SLC44A5: variants seen among roughly 807,000 people sequenced by gnomAD.
SLC44A5 encodes the protein choline transporter-like protein 5.
In SLC44A5, 57 loss-of-function variants were observed where a neutral mutation model predicts 101.8. The ratio of observed to expected loss-of-function variants is 0.56; its 90% CI spans 0.45 to 0.70. The LOEUF (loss-of-function observed/expected upper bound fraction) is 0.70, where lower values mean the gene tolerates loss of function less well. Among genes scored for constraint, SLC44A5 ranks in the 30% least tolerant of loss-of-function variants. SLC44A5 has a pLI of 0.00. For synonymous variants in SLC44A5, 281 were observed against 290.9 expected (o/e 0.97, Z 0.35); for missense variants, 737 against 853.1 (o/e 0.86, Z 1.70).
chr1:75,716,670 C>T, the SLC44A5 span, among the ~76,000 whole-genome samples: 4 of 152,100 alleles, frequency 2.6e-5, no homozygotes, highest in Admixed American at 6.6e-5. Flanking sequence ...GTATGTTTAT[C>T]GCAGCATTAT....
the SLC44A5 span, among the ~76,000 whole-genome samples, chr1:75,722,286 T>C: frequency 6.6e-6 from 1 of 152,196 alleles, no homozygotes; most frequent in Non-Finnish European, 1.5e-5. Context: ...TCAAATGGAC[T>C]TTCCTTTCCG....
intron 3 of SLC44A5, among the ~76,000 whole-genome samples, chr1:75,365,160 T>A (rs1464422240): frequency 6.6e-6 from 1 of 152,164 alleles, no homozygotes; most frequent in Non-Finnish European, 1.5e-5. Context: ...TTATTTTTAT[T>A]TTTTAACTTG....
intron 2 of SLC44A5, among the ~76,000 whole-genome samples, chr1:75,487,319 T>G (rs554779864): frequency 3.9e-4 from 59 of 152,178 alleles, no homozygotes; most frequent in African/African-American, 1.4e-3. Context: ...AACTCAGAAG[T>G]GATGATACTT....
At chr1:75,396,790 T>A (rs1662153469) in intron 2 of SLC44A5, among the ~76,000 whole-genome samples, 169 bp from the exon 3 acceptor site, 1 of 152,134 alleles carries the variant, frequency 6.6e-6, no homozygotes, top group Non-Finnish European at 1.5e-5. Context: ...AAGCTGCCAA[T>A]AATGAGCATT....
chr1:75,338,231 C>T (rs1034158192), intron 4 of SLC44A5, among the ~76,000 whole-genome samples: 4 of 152,152 alleles, frequency 2.6e-5, no homozygotes, highest in African/African-American at 7.2e-5. Flanking sequence ...AAATTACTTT[C>T]CTCACAGTGA....
intron 2 of SLC44A5, among the ~76,000 whole-genome samples, chr1:75,487,912 T>C (rs576481106): frequency 2.4e-3 from 370 of 152,244 alleles, no homozygotes; most frequent in Admixed American, 4.7e-3. Flanking sequence ...TTTATAGCTG[T>C]TCCCCATTTC....
the SLC44A5 span, among the ~76,000 whole-genome samples, chr1:75,618,047 ACT>A: frequency 6.6e-4 from 101 of 152,234 alleles, 1 homozygote; most frequent in East Asian, 0.015. Flanking sequence ...CTTCGGTGTA[ACT>A]CTTTTAACTC....
At chr1:75,386,324 G>C (rs368233461) in intron 3 of SLC44A5, among the ~76,000 whole-genome samples, 110 of 152,064 alleles carry the variant, frequency 7.2e-4, no homozygotes, top group Non-Finnish European at 9.3e-4. Flanking sequence ...TGTCTCAGCC[G>C]AAAATCTCCT....
At chr1:75,524,972 T>C (rs1670334340) in intron 2 of SLC44A5, among the ~76,000 whole-genome samples, 1 of 152,192 alleles carries the variant, frequency 6.6e-6, no homozygotes, top group African/African-American at 2.4e-5. Flanking sequence ...TATATCCTGC[T>C]TCTTTAAGAA....
At chr1:75,479,429 C>CA (rs1173056597) in intron 2 of SLC44A5, among the ~76,000 whole-genome samples, 4 of 151,948 alleles carry the variant, frequency 2.6e-5, no homozygotes, top group South Asian at 2.1e-4. Flanking sequence ...AATAGAGACA[C>CA]AAAAAACCCT....
chr1:75,522,595 G>T (rs1670193426), intron 2 of SLC44A5, among the ~76,000 whole-genome samples: 1 of 152,000 alleles, frequency 6.6e-6, no homozygotes. Flanking sequence ...TGTGAAAGTT[G>T]CTCTTCCCAG....
intron 18 of SLC44A5, among the ~76,000 whole-genome samples, chr1:75,216,601 C>T (rs1001742252): frequency 2.6e-5 from 4 of 151,924 alleles, no homozygotes; most frequent in African/African-American, 9.7e-5. Flanking sequence ...CTTACCAACA[C>T]TTGTTATTTT....
chr1:75,517,918 C>G (rs758007604), intron 2 of SLC44A5, among the ~76,000 whole-genome samples: 5 of 152,124 alleles, frequency 3.3e-5, no homozygotes, highest in African/African-American at 9.7e-5. Flanking sequence ...TTTTGGCCAT[C>G]CTTTCTACTG....
At chr1:75,632,027 C>T in the SLC44A5 span, among the ~76,000 whole-genome samples, 1 of 152,136 alleles carries the variant, frequency 6.6e-6, no homozygotes, top group South Asian at 2.1e-4. Context: ...ATCATAAGCA[C>T]TTGGGAAATT....
At chr1:75,546,722 T>G (rs1671671776) in intron 1 of SLC44A5, among the ~76,000 whole-genome samples, 1 of 152,160 alleles carries the variant, frequency 6.6e-6, no homozygotes, top group South Asian at 2.1e-4. Context: ...CTCTGTCTTG[T>G]TCCAATGCTC....
chr1:75,302,611 T>C (rs1264524399), intron 4 of SLC44A5, among the ~76,000 whole-genome samples: 2 of 152,164 alleles, frequency 1.3e-5, no homozygotes, highest in Non-Finnish European at 2.9e-5. Context: ...TGCAGACCTA[T>C]GATAAAGTTT....
At chr1:75,687,137 T>C in the SLC44A5 span, among the ~76,000 whole-genome samples, 1 of 152,182 alleles carries the variant, frequency 6.6e-6, no homozygotes, top group East Asian at 1.9e-4. Context: ...TGAACCCAGA[T>C]TGGGTCCAAT....
the SLC44A5 span, among the ~76,000 whole-genome samples, chr1:75,681,348 C>T: frequency 6.6e-6 from 1 of 151,850 alleles, no homozygotes; most frequent in Non-Finnish European, 1.5e-5. Context: ...CATTGATGCA[C>T]AAATCCTCAA....
chr1:75,661,773 A>G, the SLC44A5 span, among the ~76,000 whole-genome samples: 1 of 152,172 alleles, frequency 6.6e-6, no homozygotes, highest in African/African-American at 2.4e-5. Context: ...AGTCAGGAAA[A>G]TGCAAATCAA....
Sources: allele counts gnomAD v4.1 joint callset (sites outside exome capture counted in the v4.1 genomes callset), GRCh38; gene constraint gnomAD v4.1.1; transcripts MANE v1.5; gene names NCBI Gene and HGNC (gene_info 2026-07-23, HGNC 2026-07-21).